EPHB1: variants seen among roughly 807,000 people sequenced by gnomAD.
The protein encoded by EPHB1 is EPH receptor B1.
EPHB1 carries 30 observed loss-of-function variants against 94.4 expected under a neutral mutation model. The ratio of observed to expected loss-of-function variants is 0.32; its 90% CI spans 0.24 to 0.43. EPHB1 has a LOEUF of 0.43. EPHB1 is among the 20% of genes least tolerant of loss of function. The pLI is 1.00. For synonymous variants in EPHB1, 522 were observed against 489.1 expected, an observed-to-expected ratio of 1.07 and a Z score of -0.89; for missense variants, 1,055 against 1,308.3, an observed-to-expected ratio of 0.81 and a Z score of 2.99.
intron 3 of EPHB1, among the ~76,000 whole-genome samples, chr3:135,048,942 A>T (rs1326766304): frequency 3.3e-5 from 5 of 152,184 alleles, no homozygotes; most frequent in Non-Finnish European, 5.9e-5. Flanking sequence ...GGATCTGTAG[A>T]GCTGGGAGTT....
At chr3:134,812,901 T>A (rs535793743) in intron 1 of EPHB1, among the ~76,000 whole-genome samples, 1 of 152,350 alleles carries the variant, frequency 6.6e-6, no homozygotes, top group South Asian at 2.1e-4. Context: ...TCCGATGAAA[T>A]GGATGTTTAG....
At chr3:134,919,555 A>T (rs2107699024) in intron 1 of EPHB1, among the ~76,000 whole-genome samples, 1 of 152,294 alleles carries the variant, frequency 6.6e-6, no homozygotes, top group East Asian at 1.9e-4. Flanking sequence ...GTTGGCGCTT[A>T]AACACCTTTA....
chr3:134,885,275 A>C (rs1247616555), intron 1 of EPHB1, among the ~76,000 whole-genome samples: 1 of 152,234 alleles, frequency 6.6e-6, no homozygotes, highest in Non-Finnish European at 1.5e-5. Context: ...AGAAAGATAA[A>C]AGGTTGAAGA....
At chr3:134,850,033 C>T (rs1012300345) in intron 1 of EPHB1, among the ~76,000 whole-genome samples, 1 of 152,092 alleles carries the variant, frequency 6.6e-6, no homozygotes, top group East Asian at 1.9e-4. Flanking sequence ...CTTTGGGGTT[C>T]CTCTTCCAGG....
At position 134,866,012 on chromosome 3, in the gene EPHB1, C is replaced by T. The variant is rs187051654; in HGVS notation, c.59-59804C>T. The stretch of plus-strand genomic sequence containing the variant: ...AAGGAATCTCTGAGCAGATGGTTAA[C>T]GGGAAAGGAATGGGGGTCACCCTGA... On this transcript the variant is annotated intron_variant, in intron 1 of 15. Coordinates refer to ENST00000398015, the MANE Select transcript of EPHB1 (RefSeq NM_004441.5). 9.6e-4 allele frequency among the ~76,000 whole-genome samples: 146 copies of T among 152,234 alleles called. 1 individual carries two copies. The highest frequency in any genetic ancestry group is 3.3e-3 in the African/African-American group (139 of 41,540).
At chr3:134,950,885 A>C (rs1245212183) in intron 2 of EPHB1, among the ~76,000 whole-genome samples, 1 of 152,248 alleles carries the variant, frequency 6.6e-6, no homozygotes, top group Non-Finnish European at 1.5e-5. Flanking sequence ...AAAGCTTTAA[A>C]TTCATGTGCT....
At chr3:135,056,127 CAGTT>C (rs767582861) in intron 3 of EPHB1, among the ~76,000 whole-genome samples, 4 of 152,242 alleles carry the variant, frequency 2.6e-5, no homozygotes, top group Non-Finnish European at 5.9e-5. Context: ...ATTGTACTGT[CAGTT>C]AGCCTGCACA....
intron 3 of EPHB1, among the ~76,000 whole-genome samples, chr3:134,971,163 T>G (rs2107726843): frequency 6.6e-6 from 1 of 152,262 alleles, no homozygotes; most frequent in African/African-American, 2.4e-5. Flanking sequence ...GAGGCTTAAC[T>G]TATCAAGTGT....
chr3:135,086,899 G>T (rs1938381065), intron 3 of EPHB1, among the ~76,000 whole-genome samples: 1 of 152,216 alleles, frequency 6.6e-6, no homozygotes, highest in African/African-American at 2.4e-5. Flanking sequence ...TAGTCAAGTG[G>T]TTGGAGCTTC....
intron 4 of EPHB1, among the ~76,000 whole-genome samples, chr3:135,119,665 C>A (rs904332103): frequency 6.6e-6 from 1 of 151,824 alleles, no homozygotes; most frequent in Admixed American, 6.6e-5. Context: ...TTGGCCAGAC[C>A]GGTCTCAAAC....
chr3:134,982,638 T>C (rs1934449392), intron 3 of EPHB1, among the ~76,000 whole-genome samples: 1 of 152,264 alleles, frequency 6.6e-6, no homozygotes, highest in Non-Finnish European at 1.5e-5. Flanking sequence ...AACACACAGA[T>C]GTATTCCTCC....
At chr3:135,024,147 C>A (rs1936064682) in intron 3 of EPHB1, among the ~76,000 whole-genome samples, 1 of 152,162 alleles carries the variant, frequency 6.6e-6, no homozygotes, top group South Asian at 2.1e-4. Context: ...CAGTCTCTAC[C>A]TAGTCAATTC....
intron 2 of EPHB1, among the ~76,000 whole-genome samples, chr3:134,945,162 AG>A (rs1424087183): frequency 3.3e-5 from 5 of 152,208 alleles, no homozygotes; most frequent in Non-Finnish European, 7.3e-5. Context: ...ATCTGTGGTA[AG>A]TAACAAATAC....
intron 1 of EPHB1, among the ~76,000 whole-genome samples, chr3:134,867,008 C>A (rs4955509): frequency 0.55 from 83,108 of 151,992 alleles, 25,581 homozygotes; most frequent in East Asian, 0.8. Flanking sequence ...AGCAGCCCAT[C>A]GTGTCACTAG....
At chr3:135,067,069 C>G (rs1937589825) in intron 3 of EPHB1, among the ~76,000 whole-genome samples, 1 of 152,168 alleles carries the variant, frequency 6.6e-6, no homozygotes, top group South Asian at 2.1e-4. Flanking sequence ...GCCGTGGATA[C>G]CAGCACCTGT....
intron 1 of EPHB1, among the ~76,000 whole-genome samples, chr3:134,799,379 T>A (rs2035892464): frequency 6.6e-6 from 1 of 152,236 alleles, no homozygotes; most frequent in Non-Finnish European, 1.5e-5. Flanking sequence ...CAAAGATTTT[T>A]AAAAATGTCT....
At chr3:134,914,772 G>A (rs572517013) in intron 1 of EPHB1, among the ~76,000 whole-genome samples, 1 of 152,282 alleles carries the variant, frequency 6.6e-6, no homozygotes, top group African/African-American at 2.4e-5. Flanking sequence ...ACTAGCAGCA[G>A]CAGGGGGCTT....
chr3:135,022,123 G>A (rs1486834838), intron 3 of EPHB1, among the ~76,000 whole-genome samples: 1 of 152,110 alleles, frequency 6.6e-6, no homozygotes, highest in Non-Finnish European at 1.5e-5. Flanking sequence ...GGGACTACAG[G>A]CGCCCGCCAC....
chr3:135,014,178 C>T (rs1017503761), intron 3 of EPHB1, among the ~76,000 whole-genome samples: 5 of 152,056 alleles, frequency 3.3e-5, no homozygotes, highest in Non-Finnish European at 2.9e-5. Context: ...GCTCCTGACT[C>T]GGGCTTTGAT....
Sources: allele counts gnomAD v4.1 joint callset (sites outside exome capture counted in the v4.1 genomes callset), GRCh38; gene constraint gnomAD v4.1.1; transcripts MANE v1.5; gene names NCBI Gene and HGNC (gene_info 2026-07-23, HGNC 2026-07-21).